Variants in ABCC11 observed in about 807,000 individuals in gnomAD.
ABCC11 encodes the protein ATP binding cassette subfamily C member 11.
In ABCC11, 135 loss-of-function variants were observed where a neutral mutation model predicts 149.3. That is an observed-to-expected ratio of 0.90 (90% confidence interval 0.79 to 1.04). The LOEUF is 1.04. Ranked by LOEUF, ABCC11 falls within the 50% of genes least tolerant of loss-of-function variation. The pLI is 0.00. For synonymous variants in ABCC11, 665 were observed against 671.4 expected, an observed-to-expected ratio of 0.99 and a Z score of 0.15; for missense variants, 1,680 against 1,722.1, an observed-to-expected ratio of 0.98 and a Z score of 0.43.
chr16:48,200,543 G>T, intron 14 of ABCC11, 64 bp from the exon 15 acceptor site: 2 of 1,532,796 alleles, frequency 1.3e-6, no homozygotes. Flanking sequence ...TGCTCAAATG[G>T]GTAGGCAGAT....
Position 48,192,592 on chromosome 16 carries a change from G to C in ABCC11, c.2634C>G (p.Val878=). 6.2e-7 allele frequency: 1 copy of C among 1,614,244 alleles called. No individual in the cohort carries two copies. Among genetic ancestry groups the C allele is most frequent in the Non-Finnish European group, 8.5e-7 (1 of 1,180,042 alleles). ...LNALLLICVG[V]CSSGIFTKVT... is the part of the protein sequence containing the mutation. ...CCTTGGTGAAAATCCCTGAGGAGCA[G>C]ACCCCCACACAGATGAGGAGCAGGG... is the stretch of plus-strand genomic sequence containing the variant. The change falls in exon 20 of 30, where the codon GTC becomes GTG. Residue 878 remains valine, a synonymous_variant. Transcript: ENST00000356608.
intron 12 of ABCC11, among the ~76,000 whole-genome samples, chr16:48,208,037 T>G (rs1273194045): frequency 6.6e-6 from 1 of 152,034 alleles, no homozygotes; most frequent in Non-Finnish European, 1.5e-5. Flanking sequence ...ATGATTTTTA[T>G]GCTCTTTTTT....
rs190111729 is a variant in ABCC11, at chr16:48,234,916, T to C, written c.-18-2977A>G. 1.1e-3 allele frequency among the ~76,000 whole-genome samples: 166 copies of C among 152,144 alleles called. 1 individual carries two copies. The highest frequency in any genetic ancestry group is 3.9e-3 in the African/African-American group (161 of 41,424). On this transcript the variant is annotated intron_variant, in intron 1 of 29. Transcript: ENST00000356608. ...GAAAGCCTAGGAGCAGAGGTCACTGTGCCCAGGTTCCTGATTCTTTCTCTG... is the reference window on the plus strand; with the variant it reads ...GAAAGCCTAGGAGCAGAGGTCACTGCGCCCAGGTTCCTGATTCTTTCTCTG...
rs531916375 is a variant in ABCC11 at position 48,234,738 on chromosome 16, T to C, written c.-18-2799A>G. On this transcript the variant is annotated intron_variant, in intron 1 of 29. Transcript: ENST00000356608. ...GGAGAGATCTTGGAGGGGGTTATGC[T>C]GCCAACAGAAGTGGGACAGGGGAGG... Among the ~76,000 whole-genome samples, 4 of 152,260 alleles carry C rather than the reference T, an allele frequency of 2.6e-5. No individual in the cohort carries two copies. In the East Asian group the frequency reaches 7.7e-4, roughly 29 times the overall value.
intron 12 of ABCC11, among the ~76,000 whole-genome samples, 174 bp from the exon 13 acceptor site, chr16:48,205,711 G>A (rs911542565): frequency 2.0e-5 from 3 of 152,168 alleles, no homozygotes; most frequent in Admixed American, 1.3e-4. Context: ...TCCAGGGACC[G>A]GCCATGAGAA....
Position 48,228,068 on chromosome 16 carries a change from C to A in ABCC11, c.237-104G>T. 7.2e-6 allele frequency: 8 copies of A among 1,107,564 alleles called. No homozygotes were observed. In the South Asian group the frequency reaches 1.2e-4, roughly 17 times the overall value. The allele number at this position is 1,107,564 out of a possible 1,614,324, so 68.6% of individuals were successfully genotyped here. ...CAACGAGGTTACCCAGATCTACACA[C>A]AAACATGTTTTCATGACTCTTATTT... On this transcript the variant is annotated intron_variant, in intron 3 of 29. Transcript: ENST00000356608.
intron 4 of ABCC11, 117 bp downstream of exon 4, chr16:48,227,687 CAG>C: frequency 7.5e-7 from 1 of 1,334,222 alleles, no homozygotes; most frequent in Non-Finnish European, 1.1e-6. Context: ...CCTCTTCCTA[CAG>C]GAAGAGCCAA....
At chr16:48,181,098 G>A (rs533400011) in intron 23 of ABCC11, among the ~76,000 whole-genome samples, 35 of 152,212 alleles carry the variant, frequency 2.3e-4, no homozygotes, top group Non-Finnish European at 4.1e-4. Flanking sequence ...CCAGCACTGG[G>A]CAACCTTCGC....
At chr16:48,182,188 G>A (rs1418899305) in intron 23 of ABCC11, among the ~76,000 whole-genome samples, 1 of 152,214 alleles carries the variant, frequency 6.6e-6, no homozygotes, top group Admixed American at 6.5e-5. Context: ...GCACATACAT[G>A]CACTCCAGCA....
intron 1 of ABCC11, among the ~76,000 whole-genome samples, chr16:48,239,561 CAAAAAAAAAA>C (rs756121627): frequency 2.1e-5 from 1 of 47,208 alleles, no homozygotes; most frequent in African/African-American, 6.5e-5. Context: ...GACTGTGTCA[CAAAAAAAAAA>C]AAAAAAAAAA....
chr16:48,199,041 T>A (rs114766111), intron 15 of ABCC11, among the ~76,000 whole-genome samples: 19,236 of 150,234 alleles, frequency 0.13, 1,300 homozygotes, highest in African/African-American at 0.19. Context: ...CTCAAAAAAA[T>A]ATATATATAT....
rs758906876 is a variant in ABCC11 at position 48,196,221 on chromosome 16, G to A, written c.2404+11C>T. 6.8e-6 allele frequency: 11 copies of A among 1,613,770 alleles called. No individual in the cohort carries two copies. In the East Asian group the frequency reaches 2.0e-4, roughly 29 times the overall value. On this transcript the variant is annotated intron_variant, in intron 18 of 29. Coordinates refer to ENST00000356608, the MANE Select transcript of ABCC11 (RefSeq NM_001370497.1). ...CCAAGAGAGAGCCCTGGGCTGGCAT[G>A]GGGACCGTACCTCCAGCTGCCTGGA...
intron 20 of ABCC11, among the ~76,000 whole-genome samples, chr16:48,188,545 G>A (rs1966844281): frequency 6.6e-6 from 1 of 152,182 alleles, no homozygotes; most frequent in Admixed American, 6.5e-5. Flanking sequence ...AACAGCCAGT[G>A]GCCATGAGGC....
chr16:48,165,171 A>C (rs978731479), downstream of ABCC11: 14 of 152,504 alleles, frequency 9.2e-5, no homozygotes, highest in Non-Finnish European at 1.9e-4. Flanking sequence ...GGAATGGGGA[A>C]GCAGAGGAAG....
At chr16:48,237,797 G>C (rs181609460) in intron 1 of ABCC11, among the ~76,000 whole-genome samples, 1 of 152,244 alleles carries the variant, frequency 6.6e-6, no homozygotes, top group Non-Finnish European at 1.5e-5. Context: ...TCTAGCCACA[G>C]GGTCTTTGCA....
At position 48,235,924 on chromosome 16, in the gene ABCC11, A is replaced by G. The variant is rs367841675; in HGVS notation, c.-18-3985T>C. Among the ~76,000 whole-genome samples the G allele has an allele frequency of 5.1e-4, 77 of 152,290 alleles. 1 individual carries two copies. Among genetic ancestry groups the G allele is most frequent in the African/African-American group, 1.8e-3 (73 of 41,562 alleles). On this transcript the variant is annotated intron_variant, in intron 1 of 29. Transcript: ENST00000356608. ...CCACTGGAGCGGGGTAACCTGTATC[A>G]TGGGCTTTCTGGAGGAGCTGATTTA...
At chr16:48,170,990 G>A in intron 26 of ABCC11, 23 bp from the exon 27 acceptor site, 1 of 1,573,222 alleles carries the variant, frequency 6.4e-7, no homozygotes, top group Non-Finnish European at 8.7e-7. Context: ...AGAAAGAGAA[G>A]TGTTCAACAA....
intron 20 of ABCC11, among the ~76,000 whole-genome samples, chr16:48,190,499 G>T (rs1310218023): frequency 6.6e-6 from 1 of 152,048 alleles, no homozygotes; most frequent in African/African-American, 2.4e-5. Context: ...AAGTAGCTGG[G>T]ACTACAGGCA....
rs1965370124 is a variant in ABCC11, at chr16:48,166,988, GC to G, written c.*285del. ...TCTAACACAGATCAGAAAACTATAA[GC>G]TTTTACCTTATTATAAAATTATTCA... On this transcript the variant is annotated 3_prime_UTR_variant, in exon 30 of 30. Transcript: ENST00000356608. 4.9e-6 allele frequency: 2 copies of G among 410,024 alleles called. No homozygotes were observed. Among genetic ancestry groups the G allele is most frequent in the Non-Finnish European group, 8.9e-6 (2 of 224,942 alleles). 25.4% of individuals were successfully genotyped at this position (410,024 alleles called of 1,614,324 possible).
Sources: gnomAD v4.1 joint callset for allele counts (sites outside exome capture counted in the v4.1 genomes callset) on GRCh38, gnomAD v4.1.1 for gene constraint, MANE v1.5 for transcripts, NCBI Gene and HGNC (gene_info 2026-07-23, HGNC 2026-07-21) for gene names.